The following CDC14A variants were observed in gnomAD, a reference collection of about 807,000 sequenced individuals.
CDC14A encodes cell division cycle 14A.
Under a neutral mutation model 74.4 loss-of-function variants are expected in CDC14A, and 53 were observed. The observed-to-expected ratio is 0.71, with a 90% CI of 0.57 to 0.89. The LOEUF is 0.89. Ranked by LOEUF, CDC14A falls within the 40% of genes least tolerant of loss-of-function variation. The pLI, the probability that CDC14A is intolerant of heterozygous loss-of-function variation, is 0.00. For missense variants in CDC14A, 646 were observed against 713.7 expected, an observed-to-expected ratio of 0.91 and a Z score of 1.08; for synonymous variants, 247 against 258.4, an observed-to-expected ratio of 0.96 and a Z score of 0.43.
At position 100,457,643 on chromosome 1, in the gene CDC14A, T is replaced by TA. The variant is rs1553188363; in HGVS notation, c.607+2153dup. On this transcript the variant is annotated intron_variant, in intron 8 of 15. Transcript: ENST00000336454. The stretch of plus-strand genomic sequence containing the variant: ...CCTGGCTGGTTTTTTTTTTTTTTTT[T>TA]AATTTTTAGTAGAGATGAGGTCTCT... Among the ~76,000 whole-genome samples the TA allele has an allele frequency of 9.1e-3, 1,348 of 147,898 alleles. 20 individuals carry two copies. Among genetic ancestry groups the TA allele is most frequent in the African/African-American group, 0.031 (1,232 of 39,646 alleles).
At chr1:100,412,495 C>G (rs947860371) in intron 4 of CDC14A, among the ~76,000 whole-genome samples, 4 of 150,496 alleles carry the variant, frequency 2.7e-5, no homozygotes, top group Non-Finnish European at 5.9e-5. Flanking sequence ...CCTTTTCCTT[C>G]CTCCTTCTTC....
intron 10 of CDC14A, among the ~76,000 whole-genome samples, chr1:100,479,712 CT>C (rs1669264686): frequency 6.6e-6 from 1 of 152,144 alleles, no homozygotes; most frequent in African/African-American, 2.4e-5. Context: ...ACACTATTTA[CT>C]GAAAATGACA....
chr1:100,518,183 C>A, intron 15 of CDC14A, 68 bp from the exon 16 acceptor site: 1 of 1,189,036 alleles, frequency 8.4e-7, no homozygotes, highest in Non-Finnish European at 1.3e-6. Context: ...AAGGGAGAAG[C>A]TGCATGACTT....
At chr1:100,404,594 G>A (rs1659694929) in intron 4 of CDC14A, among the ~76,000 whole-genome samples, 1 of 152,212 alleles carries the variant, frequency 6.6e-6, no homozygotes, top group African/African-American at 2.4e-5. Context: ...ACTTTGGGAG[G>A]CTGAGGCGGG....
At chr1:100,475,627 C>A (rs1232174922) in intron 10 of CDC14A, among the ~76,000 whole-genome samples, 2 of 152,154 alleles carry the variant, frequency 1.3e-5, no homozygotes, top group East Asian at 3.9e-4. Context: ...TACTCAGCCT[C>A]TGTTGATGTC....
intron 15 of CDC14A, among the ~76,000 whole-genome samples, chr1:100,501,454 C>T (rs78920550): frequency 0.011 from 1,747 of 152,268 alleles, 43 homozygotes; most frequent in African/African-American, 0.04. Flanking sequence ...CTAGTGACGT[C>T]GTAGCCCTCG....
At chr1:100,504,693 C>A in intron 15 of CDC14A, 2 of 707,668 alleles carry the variant, frequency 2.8e-6, no homozygotes, top group Non-Finnish European at 4.9e-6. Flanking sequence ...TCCCTTAGTG[C>A]TAGAACATAA....
chr1:100,403,034 A>G (rs189953378), intron 4 of CDC14A, among the ~76,000 whole-genome samples: 8 of 152,304 alleles, frequency 5.3e-5, no homozygotes, highest in East Asian at 1.9e-4. Flanking sequence ...GGTGATGTCC[A>G]TGGATGTGTT....
intron 4 of CDC14A, among the ~76,000 whole-genome samples, chr1:100,410,950 G>A (rs571292667): frequency 5.3e-5 from 8 of 152,270 alleles, no homozygotes; most frequent in South Asian, 2.1e-4. Context: ...GACTTTTACT[G>A]TGTTACTCTA....
intron 3 of CDC14A, among the ~76,000 whole-genome samples, chr1:100,381,405 A>G (rs976601544): frequency 6.6e-6 from 1 of 152,172 alleles, no homozygotes; most frequent in African/African-American, 2.4e-5. Context: ...TTAACTAGTA[A>G]CTTCGTCTTA....
rs188284762 is a variant in CDC14A at position 100,370,410 on chromosome 1, G to A, written c.141-7136G>A. Among the ~76,000 whole-genome samples the A allele has an allele frequency of 4.9e-3, 750 of 151,764 alleles. 26 individuals are homozygous for A. The highest frequency in any genetic ancestry group is 0.044 in the Admixed American group (675 of 15,246). On this transcript the variant is annotated intron_variant, in intron 2 of 15. Coordinates refer to ENST00000336454, the MANE Select transcript of CDC14A (RefSeq NM_003672.4). Reference sequence around the variant, plus strand: ...GTGCTATTTCATAAGCATGAGCCACGGCTCCTGGCCTCTTCTGGGACATTT... The same window carrying A: ...GTGCTATTTCATAAGCATGAGCCACAGCTCCTGGCCTCTTCTGGGACATTT...
At chr1:100,486,176 T>C (rs1262682700) in intron 11 of CDC14A, among the ~76,000 whole-genome samples, 1 of 152,034 alleles carries the variant, frequency 6.6e-6, no homozygotes. Flanking sequence ...AAGACAAACA[T>C]AAAGTTAATC....
At chr1:100,446,105 C>G (rs1665513030) in intron 7 of CDC14A, among the ~76,000 whole-genome samples, 1 of 152,038 alleles carries the variant, frequency 6.6e-6, no homozygotes, top group Non-Finnish European at 1.5e-5. Flanking sequence ...TTTATTAGCT[C>G]CAGTAAAGTC....
At chr1:100,410,685 GTATAT>G (rs1292068133) in intron 4 of CDC14A, among the ~76,000 whole-genome samples, 1 of 152,194 alleles carries the variant, frequency 6.6e-6, no homozygotes, top group African/African-American at 2.4e-5. Flanking sequence ...TGTTTAAAAA[GTATAT>G]TAGACTTTAC....
chr1:100,407,317 T>A (rs1660082177), intron 4 of CDC14A, among the ~76,000 whole-genome samples: 2 of 152,246 alleles, frequency 1.3e-5, no homozygotes, highest in South Asian at 4.1e-4. Flanking sequence ...ACGATATTGA[T>A]TCTTCCTGTG....
chr1:100,497,971 T>G (rs764180702), intron 13 of CDC14A, 114 bp from the exon 14 acceptor site: 35 of 1,132,750 alleles, frequency 3.1e-5, no homozygotes, highest in Non-Finnish European at 4.4e-5. Context: ...TCATCACTAT[T>G]AGGACCTGTC....
At chr1:100,367,092 C>T (rs943349384) in intron 2 of CDC14A, among the ~76,000 whole-genome samples, 5 of 152,106 alleles carry the variant, frequency 3.3e-5, no homozygotes, top group Non-Finnish European at 7.4e-5. Context: ...AAGACTCTGT[C>T]CATTGTCATT....
At position 100,494,160 on chromosome 1, in the gene CDC14A, C is replaced by T. The variant is rs892263685; in HGVS notation, c.1138-658C>T. 2.6e-4 allele frequency among the ~76,000 whole-genome samples: 40 copies of T among 152,112 alleles called. 1 individual carries two copies. Among genetic ancestry groups the T allele is most frequent in the Admixed American group, 2.5e-3 (38 of 15,274 alleles). On this transcript the variant is annotated intron_variant, in intron 11 of 15. Coordinates refer to ENST00000336454, the MANE Select transcript of CDC14A (RefSeq NM_003672.4). ...TATTCCTAACTTCCATGAGTATGTC[C>T]TTTTTTCATCGATAATAAGGGTACC... is the stretch of plus-strand genomic sequence containing the variant.
upstream of CDC14A, among the ~76,000 whole-genome samples, chr1:100,348,002 C>T (rs183252312): frequency 9.9e-5 from 15 of 152,174 alleles, no homozygotes; most frequent in African/African-American, 3.4e-4. Flanking sequence ...GAATATTTTC[C>T]GCCAGGTGCA....
Sources: allele counts gnomAD v4.1 joint callset (sites outside exome capture counted in the v4.1 genomes callset), GRCh38; gene constraint gnomAD v4.1.1; transcripts MANE v1.5; gene names NCBI Gene and HGNC (gene_info 2026-07-23, HGNC 2026-07-21).